MPPED2: variants seen among roughly 807,000 people sequenced by gnomAD.
The protein encoded by MPPED2 is metallophosphoesterase domain containing 2.
Under a neutral mutation model 33.0 loss-of-function variants are expected in MPPED2, and 5 were observed. The ratio of observed to expected loss-of-function variants is 0.15; its 90% CI spans 0.08 to 0.32. The LOEUF (loss-of-function observed/expected upper bound fraction) is 0.32, where lower values mean the gene tolerates loss of function less well. Ranked by LOEUF, MPPED2 falls within the 10% of genes least tolerant of loss-of-function variation. The pLI, the probability that MPPED2 is intolerant of heterozygous loss-of-function variation, is 1.00. For missense variants in MPPED2, 275 were observed against 372.1 expected, an observed-to-expected ratio of 0.74 and a Z score of 2.15; for synonymous variants, 136 against 141.9, an observed-to-expected ratio of 0.96 and a Z score of 0.29.
chr11:30,586,975 C>T (rs1033533652), upstream of MPPED2: 4 of 152,326 alleles, frequency 2.6e-5, no homozygotes, highest in Non-Finnish European at 4.4e-5. The surrounding 1 kb of genome is among the most constrained non-coding windows in gnomAD (Gnocchi z 4.8). Context: ...CACACACTCA[C>T]CTCTTTCTCT....
intron 2 of MPPED2, among the ~76,000 whole-genome samples, chr11:30,537,804 G>A (rs1954893028): frequency 6.6e-6 from 1 of 152,152 alleles, no homozygotes; most frequent in South Asian, 2.1e-4. Flanking sequence ...TTAATATGCT[G>A]TTACCACGTA....
At chr11:30,433,539 T>G (rs1949178341) in intron 4 of MPPED2, among the ~76,000 whole-genome samples, 1 of 152,120 alleles carries the variant, frequency 6.6e-6, no homozygotes, top group African/African-American at 2.4e-5. Context: ...GAGATGTGCT[T>G]AACTACCATG....
At chr11:30,448,098 A>T (rs2133934311) in intron 4 of MPPED2, among the ~76,000 whole-genome samples, 1 of 152,168 alleles carries the variant, frequency 6.6e-6, no homozygotes, top group East Asian at 1.9e-4. Flanking sequence ...TACAGGGGGT[A>T]TTTTTTCAGA....
chr11:30,398,706 A>G (rs1375179518), intron 6 of MPPED2, among the ~76,000 whole-genome samples: 2 of 152,180 alleles, frequency 1.3e-5, no homozygotes, highest in Non-Finnish European at 2.9e-5. Flanking sequence ...AACATCACCC[A>G]GCCAAGAGAA....
chr11:30,403,571 T>C (rs762711031), intron 6 of MPPED2, among the ~76,000 whole-genome samples: 1 of 152,240 alleles, frequency 6.6e-6, no homozygotes, highest in Non-Finnish European at 1.5e-5. Flanking sequence ...CTCATCACAA[T>C]TTATTAATGC....
chr11:30,471,429 T>C (rs563205842), intron 4 of MPPED2, among the ~76,000 whole-genome samples: 5 of 152,354 alleles, frequency 3.3e-5, no homozygotes, highest in African/African-American at 1.2e-4. Flanking sequence ...CTTCTCATCT[T>C]ACCACACATG....
At chr11:30,545,201 A>G (rs1448827646) in intron 2 of MPPED2, among the ~76,000 whole-genome samples, 2 of 152,146 alleles carry the variant, frequency 1.3e-5, no homozygotes, top group African/African-American at 4.8e-5. Flanking sequence ...GCTGAATTTT[A>G]GGAAAAGTGG....
intron 4 of MPPED2, among the ~76,000 whole-genome samples, chr11:30,491,164 A>G (rs1314576774): frequency 6.6e-6 from 1 of 152,220 alleles, no homozygotes; most frequent in Non-Finnish European, 1.5e-5. Flanking sequence ...GAAAAGTGGT[A>G]CCTATGGTAT....
chr11:30,426,317 A>ACT (rs1948835406), intron 4 of MPPED2, among the ~76,000 whole-genome samples: 1 of 152,210 alleles, frequency 6.6e-6, no homozygotes, highest in African/African-American at 2.4e-5. Flanking sequence ...GTTCTTCCAT[A>ACT]CTGTAGCATG....
intron 2 of MPPED2, among the ~76,000 whole-genome samples, chr11:30,563,529 G>A (rs1352010637): frequency 1.3e-5 from 2 of 152,060 alleles, no homozygotes; most frequent in Non-Finnish European, 2.9e-5. Context: ...CATTCTTAAG[G>A]TATTGATAAG....
intron 4 of MPPED2, among the ~76,000 whole-genome samples, chr11:30,465,341 G>T (rs1164068854): frequency 6.6e-6 from 1 of 152,184 alleles, no homozygotes; most frequent in Non-Finnish European, 1.5e-5. Context: ...AGGCTGGAAT[G>T]CTGTGGCATG....
intron 4 of MPPED2, among the ~76,000 whole-genome samples, chr11:30,464,441 C>T (rs1255041267): frequency 6.6e-6 from 1 of 152,198 alleles, no homozygotes; most frequent in Admixed American, 6.5e-5. Flanking sequence ...CCTACTTACA[C>T]ATGTCATCCT....
chr11:30,386,613 C>T (rs1947705190), exon 7 of MPPED2: 1 of 397,794 alleles, frequency 2.5e-6, no homozygotes, highest in Non-Finnish European at 4.4e-6. Context: ...TTCCCAGCAC[C>T]TAGAACAGTG....
intron 3 of MPPED2, among the ~76,000 whole-genome samples, chr11:30,518,310 C>T (rs1164721242): frequency 6.6e-6 from 1 of 152,210 alleles, no homozygotes; most frequent in Non-Finnish European, 1.5e-5. Context: ...TGTCCTAGAG[C>T]CACCTCTGTT....
intron 3 of MPPED2, among the ~76,000 whole-genome samples, chr11:30,508,068 T>A (rs1952939566): frequency 6.6e-6 from 1 of 152,188 alleles, no homozygotes; most frequent in Admixed American, 6.5e-5. Context: ...TTCCTAAATC[T>A]GTGTTTTCTC....
chr11:30,476,674 AC>A (rs1951217211), intron 4 of MPPED2, among the ~76,000 whole-genome samples: 1 of 152,074 alleles, frequency 6.6e-6, no homozygotes. Context: ...ATCAGATAGT[AC>A]AGTCCATCAA....
intron 6 of MPPED2, among the ~76,000 whole-genome samples, chr11:30,392,574 G>T (rs1433034489): frequency 2.0e-5 from 3 of 152,182 alleles, no homozygotes; most frequent in African/African-American, 7.2e-5. Flanking sequence ...ATCTGAGGTC[G>T]TTGGAAAAAT....
chr11:30,517,508 T>C (rs767678853), intron 3 of MPPED2, among the ~76,000 whole-genome samples: 1 of 152,208 alleles, frequency 6.6e-6, no homozygotes, highest in Non-Finnish European at 1.5e-5. Flanking sequence ...CAGAACACTA[T>C]ATACTATATA....
At chr11:30,515,021 G>A (rs1017792169) in intron 3 of MPPED2, among the ~76,000 whole-genome samples, 8 of 152,116 alleles carry the variant, frequency 5.3e-5, no homozygotes, top group African/African-American at 1.9e-4. Flanking sequence ...TTTGAATTTG[G>A]GAGGCAGGGG....
Sources: allele counts gnomAD v4.1 joint callset (sites outside exome capture counted in the v4.1 genomes callset), GRCh38; gene constraint gnomAD v4.1.1; non-coding constraint Gnocchi (gnomAD v3.1); transcripts MANE v1.5; gene names NCBI Gene and HGNC (gene_info 2026-07-23, HGNC 2026-07-21).